Variants in SLC24A2 observed in about 807,000 individuals in gnomAD.
SLC24A2 encodes the protein sodium/potassium/calcium exchanger 2.
A neutral mutation model predicts 62.0 loss-of-function variants in SLC24A2; 36 were observed. The observed-to-expected ratio is 0.58, with a 90% CI of 0.44 to 0.77. The LOEUF is 0.77. Among genes scored for constraint, SLC24A2 ranks in the 30% least tolerant of loss-of-function variants. The probability of loss-of-function intolerance (pLI) is 0.00; values close to 1 mark genes in which losing one functional copy is unlikely to be tolerated. For synonymous variants in SLC24A2, 358 were observed against 294.0 expected (o/e 1.22, Z -2.23); for missense variants, 846 against 817.9 (o/e 1.03, Z -0.42).
the SLC24A2 span, among the ~76,000 whole-genome samples, chr9:20,190,022 G>A: frequency 1.6e-4 from 25 of 152,076 alleles, no homozygotes; most frequent in Non-Finnish European, 5.9e-5. Flanking sequence ...CTTAATTCCC[G>A]GCACCCCACT....
the SLC24A2 span, among the ~76,000 whole-genome samples, chr9:19,953,250 G>T: frequency 6.6e-6 from 1 of 151,790 alleles, no homozygotes; most frequent in Non-Finnish European, 1.5e-5. Context: ...CTATTGTATT[G>T]ATATTCCTTC....
At chr9:19,858,785 C>G in the SLC24A2 span, among the ~76,000 whole-genome samples, 1 of 152,074 alleles carries the variant, frequency 6.6e-6, no homozygotes, top group African/African-American at 2.4e-5. Context: ...AAATGCAAAT[C>G]AAAACCACAA....
the SLC24A2 span, among the ~76,000 whole-genome samples, chr9:20,095,022 T>C: frequency 1.3e-5 from 2 of 152,332 alleles, no homozygotes; most frequent in South Asian, 2.1e-4. Flanking sequence ...TGTGTGATGA[T>C]AGATTTTTAA....
the SLC24A2 span, among the ~76,000 whole-genome samples, chr9:19,870,930 T>C: frequency 1.3e-5 from 2 of 152,128 alleles, no homozygotes; most frequent in African/African-American, 4.8e-5. Context: ...TTAGATGATT[T>C]CCAAATATTT....
At chr9:19,558,373 C>A (rs986300132) in intron 7 of SLC24A2, among the ~76,000 whole-genome samples, 2 of 152,122 alleles carry the variant, frequency 1.3e-5, no homozygotes, top group African/African-American at 4.8e-5. Context: ...GGAAGAAAGA[C>A]TTGTCTTTTA....
chr9:19,711,141 T>G (rs1820703997), intron 2 of SLC24A2, among the ~76,000 whole-genome samples: 1 of 152,140 alleles, frequency 6.6e-6, no homozygotes, highest in Admixed American at 6.5e-5. Context: ...ATTTGAGGGG[T>G]CTGTGAGGTC....
At chr9:20,238,425 T>C in the SLC24A2 span, among the ~76,000 whole-genome samples, 1 of 152,178 alleles carries the variant, frequency 6.6e-6, no homozygotes, top group Non-Finnish European at 1.5e-5. Context: ...CTGAGTAGCT[T>C]GTTCTAGCAC....
At chr9:20,065,114 A>G in the SLC24A2 span, among the ~76,000 whole-genome samples, 2 of 152,226 alleles carry the variant, frequency 1.3e-5, no homozygotes, top group Admixed American at 6.5e-5. Context: ...TCCTAAAACA[A>G]CGAATCCTAC....
At chr9:20,011,285 T>C in the SLC24A2 span, among the ~76,000 whole-genome samples, 1 of 152,184 alleles carries the variant, frequency 6.6e-6, no homozygotes, top group Non-Finnish European at 1.5e-5. Context: ...TTTCCTGATT[T>C]TTTAATGATC....
the SLC24A2 span, among the ~76,000 whole-genome samples, chr9:19,800,316 C>G: frequency 6.6e-6 from 1 of 152,170 alleles, no homozygotes; most frequent in Non-Finnish European, 1.5e-5. Flanking sequence ...AGTGAGGCCC[C>G]AAGGTATAGC....
chr9:20,206,763 G>A, the SLC24A2 span, among the ~76,000 whole-genome samples: 101 of 152,136 alleles, frequency 6.6e-4, no homozygotes, highest in African/African-American at 2.3e-3. Flanking sequence ...ACAGGCGTGA[G>A]CCACTTCGCC....
At chr9:19,729,414 C>T (rs534474675) in intron 2 of SLC24A2, among the ~76,000 whole-genome samples, 2 of 152,180 alleles carry the variant, frequency 1.3e-5, no homozygotes, top group Non-Finnish European at 2.9e-5. Context: ...GAGATATCTG[C>T]ACTCCATATT....
At position 19,577,044 on chromosome 9, in the gene SLC24A2, G is replaced by C. The variant is rs779605407; in HGVS notation, c.1130-22C>G. 1.4e-5 allele frequency: 22 copies of C among 1,588,808 alleles called. No individual in the cohort carries two copies. The Admixed American group carries it at 3.7e-4, about 26-fold the overall frequency. On this transcript the variant is annotated intron_variant, in intron 5 of 10. Transcript: ENST00000341998. ...CTCCCTGAAGCAAAAGAAAGTGGCA[G>C]GAAGGAGACACAATGAGAAAGAAGA... is the stretch of plus-strand genomic sequence containing the variant.
the SLC24A2 span, among the ~76,000 whole-genome samples, chr9:20,043,909 C>T: frequency 6.6e-6 from 1 of 152,160 alleles, no homozygotes; most frequent in African/African-American, 2.4e-5. Context: ...TGCTATCAAA[C>T]AGTATCACAT....
chr9:20,013,390 A>G, the SLC24A2 span, among the ~76,000 whole-genome samples: 1 of 152,212 alleles, frequency 6.6e-6, no homozygotes, highest in African/African-American at 2.4e-5. Context: ...CTTATAGCCT[A>G]CACTATACAC....
the SLC24A2 span, among the ~76,000 whole-genome samples, chr9:20,193,029 T>C: frequency 2.6e-5 from 4 of 152,290 alleles, no homozygotes; most frequent in African/African-American, 7.2e-5. Flanking sequence ...TCTTGGGCAA[T>C]TGACATTTGA....
chr9:20,169,177 G>A, the SLC24A2 span, among the ~76,000 whole-genome samples: 1 of 151,980 alleles, frequency 6.6e-6, no homozygotes, highest in African/African-American at 2.4e-5. Context: ...AGTAGAATTA[G>A]AGATAATCAG....
chr9:19,707,658 T>G lies in SLC24A2; in HGVS notation c.930+78279A>C, dbSNP rs1327381921. Among the ~76,000 whole-genome samples, 3 of 152,174 alleles carry G rather than the reference T, an allele frequency of 2.0e-5. No individual in the cohort carries two copies. In the East Asian group the frequency reaches 5.8e-4, roughly 29 times the overall value. On this transcript the variant is annotated intron_variant, in intron 2 of 10. Transcript: ENST00000341998. ...AACAGAACCAAAGACAAAAACCACA[T>G]GATTATCTCAATAGATGCAGAAAAG...
the SLC24A2 span, among the ~76,000 whole-genome samples, chr9:20,086,562 C>T: frequency 6.6e-6 from 1 of 152,112 alleles, no homozygotes; most frequent in Non-Finnish European, 1.5e-5. Flanking sequence ...TGTGCCCAAC[C>T]GAGTTTTTTG....
Sources: gnomAD v4.1 joint callset for allele counts (sites outside exome capture counted in the v4.1 genomes callset) on GRCh38, gnomAD v4.1.1 for gene constraint, MANE v1.5 for transcripts, NCBI Gene and HGNC (gene_info 2026-07-23, HGNC 2026-07-21) for gene names.